SHANK2: variants seen among roughly 807,000 people sequenced by gnomAD.
SHANK2 encodes SH3 and multiple ankyrin repeat domains 2, also known as SH3 and multiple ankyrin repeat domains protein 2.
A neutral mutation model predicts 133.7 loss-of-function variants in SHANK2; 43 were observed. The observed-to-expected ratio is 0.32, with a 90% CI of 0.25 to 0.41. The LOEUF is 0.41. Ranked by LOEUF, SHANK2 falls within the 10% of genes least tolerant of loss-of-function variation. The pLI is 1.00. For missense variants in SHANK2, 1,994 were observed against 2,235.8 expected (o/e 0.89, Z 2.18); for synonymous variants, 1,017 against 952.8 (o/e 1.07, Z -1.24).
At chr11:70,724,311 C>G (rs1427734936) in intron 14 of SHANK2, among the ~76,000 whole-genome samples, 1 of 152,174 alleles carries the variant, frequency 6.6e-6, no homozygotes, top group Non-Finnish European at 1.5e-5. Context: ...GCTGGGATTA[C>G]AGAAATGAGC....
chr11:70,662,639 C>CT (rs1377994387), intron 15 of SHANK2, among the ~76,000 whole-genome samples: 7 of 152,012 alleles, frequency 4.6e-5, no homozygotes, highest in Non-Finnish European at 7.4e-5. Flanking sequence ...GTGGCTGCCC[C>CT]TTTGAGATGA....
At chr11:70,801,321 C>T (rs189538214) in intron 13 of SHANK2, among the ~76,000 whole-genome samples, 28 of 152,328 alleles carry the variant, frequency 1.8e-4, no homozygotes, top group African/African-American at 6.5e-4. Context: ...AGGGGTCCCC[C>T]CAACACGGGG....
At chr11:70,515,162 T>A (rs1421674906) in intron 17 of SHANK2, among the ~76,000 whole-genome samples, 1 of 152,152 alleles carries the variant, frequency 6.6e-6, no homozygotes, top group African/African-American at 2.4e-5. Context: ...CACCTCAGCC[T>A]CCCAAGTAGC....
At chr11:70,657,019 G>C (rs2061413561) in intron 17 of SHANK2, among the ~76,000 whole-genome samples, 1 of 152,220 alleles carries the variant, frequency 6.6e-6, no homozygotes, top group Admixed American at 6.5e-5. Context: ...TGAAGTTCTA[G>C]AGATACCAAA....
At chr11:70,766,408 C>T (rs144416394) in intron 14 of SHANK2, among the ~76,000 whole-genome samples, 46 of 152,242 alleles carry the variant, frequency 3.0e-4, no homozygotes, top group African/African-American at 8.9e-4. Context: ...AATAACAGCA[C>T]GTCTTGGATA....
chr11:70,822,177 C>T (rs1555056091), intron 11 of SHANK2, among the ~76,000 whole-genome samples: 1 of 152,270 alleles, frequency 6.6e-6, no homozygotes, highest in African/African-American at 2.4e-5. Context: ...CCGTGATAAT[C>T]GTGCCTGCAG....
intron 17 of SHANK2, among the ~76,000 whole-genome samples, chr11:70,638,532 C>T (rs1446606453): frequency 1.3e-5 from 2 of 152,180 alleles, no homozygotes; most frequent in African/African-American, 4.8e-5. Context: ...TTGTAACAGC[C>T]GAGGACCAAG....
At chr11:71,127,250 G>GT (rs1952209986) in intron 3 of SHANK2, among the ~76,000 whole-genome samples, 1 of 152,192 alleles carries the variant, frequency 6.6e-6, no homozygotes, top group Non-Finnish European at 1.5e-5. Flanking sequence ...AGAGGAAGTG[G>GT]TTTCCCGAGA....
intron 22 of SHANK2, 40 bp from the exon 23 acceptor site, chr11:70,490,427 C>A: frequency 6.5e-7 from 1 of 1,541,748 alleles, no homozygotes; most frequent in South Asian, 1.1e-5. Flanking sequence ...CAGCCCTGGC[C>A]AGCCCCCACC....
intron 11 of SHANK2, among the ~76,000 whole-genome samples, chr11:70,856,686 G>A (rs1471192974): frequency 1.3e-5 from 2 of 152,264 alleles, no homozygotes; most frequent in African/African-American, 4.8e-5. Context: ...AACCATGTTT[G>A]ATACATTATT....
intron 10 of SHANK2, among the ~76,000 whole-genome samples, chr11:70,939,721 C>T (rs1239163268): frequency 6.6e-6 from 1 of 152,138 alleles, no homozygotes; most frequent in African/African-American, 2.4e-5. Flanking sequence ...CCCCGTCCTA[C>T]CCGCAGCCCT....
intron 14 of SHANK2, among the ~76,000 whole-genome samples, chr11:70,779,950 T>TCAGGGCACATTG (rs6144382): frequency 0.73 from 111,454 of 151,854 alleles, 43,380 homozygotes; most frequent in East Asian, 0.98. Flanking sequence ...GTCGGTCCCA[T>TCAGGGCACATTG]CAGGACTCTC....
At chr11:70,690,934 A>G (rs1224981043) in intron 15 of SHANK2, among the ~76,000 whole-genome samples, 3 of 152,140 alleles carry the variant, frequency 2.0e-5, no homozygotes, top group Non-Finnish European at 2.9e-5. Flanking sequence ...CACGTTGGGA[A>G]GATACCCACC....
intron 17 of SHANK2, among the ~76,000 whole-genome samples, chr11:70,509,635 C>T (rs1366935627): frequency 6.6e-6 from 1 of 152,232 alleles, no homozygotes; most frequent in Non-Finnish European, 1.5e-5. Flanking sequence ...AAGCTGGGGA[C>T]TTGCAGTGGC....
chr11:71,145,847 C>G (rs1952633217), intron 3 of SHANK2, among the ~76,000 whole-genome samples: 1 of 152,176 alleles, frequency 6.6e-6, no homozygotes, highest in Non-Finnish European at 1.5e-5. Flanking sequence ...GGCTTACCCC[C>G]TCAAGCACCT....
chr11:70,701,192 G>GA (rs1194180041), intron 14 of SHANK2, among the ~76,000 whole-genome samples: 4 of 151,684 alleles, frequency 2.6e-5, no homozygotes, highest in Admixed American at 6.6e-5. Flanking sequence ...GTATTTACCA[G>GA]AAAAAAAGAC....
In SHANK2 at chr11:70,664,473, G is replaced by GAAACCCTGGAAGGATGATGCC. The variant is rs1944642032; in HGVS notation, c.1854-2816_1854-2796dup. ...AGCTGCTGAGGGTGACCGCCTCCCT[G>GAAACCCTGGAAGGATGATGCC]AAACCCTGGAAGGATGATGCCGAAC... On this transcript the variant is annotated intron_variant, in intron 15 of 25. Coordinates refer to ENST00000601538, the MANE Select transcript of SHANK2 (RefSeq NM_012309.5). Among the ~76,000 whole-genome samples, 7 of 152,310 alleles carry GAAACCCTGGAAGGATGATGCC rather than the reference G, an allele frequency of 4.6e-5. 1 individual carries two copies. The South Asian group carries it at 1.5e-3, about 32-fold the overall frequency.
chr11:71,139,760 C>T (rs1323801180), intron 3 of SHANK2, among the ~76,000 whole-genome samples: 1 of 152,192 alleles, frequency 6.6e-6, no homozygotes, highest in Admixed American at 6.5e-5. Flanking sequence ...CCTGCGTGGC[C>T]CGGGAAGCCC....
intron 14 of SHANK2, among the ~76,000 whole-genome samples, chr11:70,752,623 G>A (rs1044818143): frequency 2.3e-4 from 34 of 150,166 alleles, no homozygotes; most frequent in African/African-American, 5.7e-4. Flanking sequence ...GGAGAATGGC[G>A]TGAACCCGGG....
Sources: gnomAD v4.1 joint callset for allele counts (sites outside exome capture counted in the v4.1 genomes callset) on GRCh38, gnomAD v4.1.1 for gene constraint, MANE v1.5 for transcripts, NCBI Gene and HGNC (gene_info 2026-07-23, HGNC 2026-07-21) for gene names.